MAP2: variants seen among roughly 807,000 people sequenced by gnomAD.
MAP2 encodes microtubule associated protein 2, also known as microtubule-associated protein 2.
In MAP2, 14 loss-of-function variants were observed where a neutral mutation model predicts 137.6. That is an observed-to-expected ratio of 0.10 (90% CI 0.07 to 0.16). The LOEUF (loss-of-function observed/expected upper bound fraction) is 0.16. MAP2 is among the 10% of genes least tolerant of loss of function. The probability of loss-of-function intolerance (pLI) is 1.00; values close to 1 mark genes in which losing one functional copy is unlikely to be tolerated. For synonymous variants in MAP2, 786 were observed against 782.3 expected, an observed-to-expected ratio of 1.00 and a Z score of -0.08; for missense variants, 2,088 against 2,191.5, an observed-to-expected ratio of 0.95 and a Z score of 0.94.
intron 3 of MAP2, among the ~76,000 whole-genome samples, chr2:209,587,669 A>G (rs1038980418): frequency 6.6e-6 from 1 of 152,162 alleles, no homozygotes; most frequent in Non-Finnish European, 1.5e-5. Context: ...GCTATAAAAT[A>G]TCTAAGAAAA....
intron 1 of MAP2, among the ~76,000 whole-genome samples, chr2:209,462,186 G>A (rs1213072280): frequency 6.6e-6 from 1 of 152,194 alleles, no homozygotes; most frequent in Non-Finnish European, 1.5e-5. Context: ...GAGAATAAGT[G>A]TTGTGAGAAA....
intron 11 of MAP2, among the ~76,000 whole-genome samples, chr2:209,703,162 C>T (rs200894250): frequency 7.9e-5 from 12 of 152,032 alleles, no homozygotes; most frequent in Admixed American, 2.0e-4. Context: ...CATGCAGACT[C>T]TAGTCTTTGC....
At chr2:209,626,965 C>A (rs1380400190) in intron 4 of MAP2, among the ~76,000 whole-genome samples, 1 of 151,916 alleles carries the variant, frequency 6.6e-6, no homozygotes, top group Admixed American at 6.6e-5. Context: ...TAATATCATG[C>A]CAATCCTGCT....
At chr2:209,494,589 G>A (rs1421658176) in intron 1 of MAP2, among the ~76,000 whole-genome samples, 1 of 152,034 alleles carries the variant, frequency 6.6e-6, no homozygotes, top group African/African-American at 2.4e-5. Flanking sequence ...AAAAAGGTGA[G>A]GCATGAATAA....
chr2:209,629,640 A>C (rs537571731), intron 4 of MAP2, among the ~76,000 whole-genome samples: 1 of 152,320 alleles, frequency 6.6e-6, no homozygotes, highest in Admixed American at 6.5e-5. Flanking sequence ...TTAGGATATC[A>C]GATGCTTCCA....
At chr2:209,644,750 G>A (rs934785145) in intron 4 of MAP2, among the ~76,000 whole-genome samples, 2 of 150,548 alleles carry the variant, frequency 1.3e-5, no homozygotes, top group East Asian at 1.9e-4. Context: ...TTTTTATATT[G>A]CTATCATGGT....
chr2:209,694,541 C>T lies in MAP2; in HGVS notation c.2371C>T (p.Leu791=). The change falls in exon 8 of 16, where the codon CTA becomes TTA. Residue 791 remains leucine, a synonymous_variant. Coordinates refer to ENST00000682079, the MANE Select transcript of MAP2 (RefSeq NM_001375505.1). ...QAEISCESPF[L]AKDFYKNGTV... is the part of the protein sequence containing the mutation. Reference sequence around the variant, plus strand: ...GGAGATATCATGTGAGTCTCCTTTCCTAGCCAAAGATTTTTACAAAAATGG... The same window carrying T: ...GGAGATATCATGTGAGTCTCCTTTCTTAGCCAAAGATTTTTACAAAAATGG... The T allele has an allele frequency of 6.2e-7, 1 of 1,614,062 alleles. No homozygotes were observed. The highest frequency in any genetic ancestry group is 8.5e-7 in the Non-Finnish European group (1 of 1,179,974).
chr2:209,652,343 G>C (rs569010596), intron 4 of MAP2, among the ~76,000 whole-genome samples: 16 of 152,328 alleles, frequency 1.1e-4, no homozygotes, highest in African/African-American at 2.9e-4. Flanking sequence ...AAGATAGGAT[G>C]TAGGCCTAAT....
At chr2:209,462,892 G>A (rs1364594655) in intron 1 of MAP2, among the ~76,000 whole-genome samples, 1 of 151,986 alleles carries the variant, frequency 6.6e-6, no homozygotes, top group Non-Finnish European at 1.5e-5. Context: ...TATAATAGAG[G>A]CTTTTGGGAG....
chr2:209,505,964 C>T (rs1419004664), intron 1 of MAP2, among the ~76,000 whole-genome samples: 1 of 151,578 alleles, frequency 6.6e-6, no homozygotes, highest in Non-Finnish European at 1.5e-5. Flanking sequence ...AGAGTGAGAC[C>T]CTGTCTCAAA....
intron 4 of MAP2, among the ~76,000 whole-genome samples, chr2:209,645,300 A>G (rs2094344252): frequency 6.6e-6 from 1 of 152,230 alleles, no homozygotes; most frequent in Admixed American, 6.5e-5. Flanking sequence ...ATACAGTTTT[A>G]TAACACTTAG....
At chr2:209,606,559 A>G (rs2084836125) in intron 3 of MAP2, among the ~76,000 whole-genome samples, 1 of 152,166 alleles carries the variant, frequency 6.6e-6, no homozygotes, top group African/African-American at 2.4e-5. Context: ...GGGGTTAAAA[A>G]ATAGAGTAGA....
At chr2:209,723,044 C>T (rs1301668209) in intron 13 of MAP2, among the ~76,000 whole-genome samples, 3 of 152,130 alleles carry the variant, frequency 2.0e-5, no homozygotes, top group Non-Finnish European at 2.9e-5. Flanking sequence ...CCTGGGAAAC[C>T]GGGGGTTCTT....
At chr2:209,618,153 C>T (rs1467383786) in intron 3 of MAP2, among the ~76,000 whole-genome samples, 2 of 151,804 alleles carry the variant, frequency 1.3e-5, no homozygotes, top group African/African-American at 4.8e-5. Flanking sequence ...TCATGGAGAA[C>T]ACTTCAGTTA....
chr2:209,495,547 G>T lies in MAP2; in HGVS notation c.-221-12045G>T, dbSNP rs374960316. 5.8e-4 allele frequency among the ~76,000 whole-genome samples: 89 copies of T among 152,224 alleles called. 2 individuals carry two copies. The highest frequency in any genetic ancestry group is 1.1e-3 in the Non-Finnish European group (74 of 68,038). On this transcript the variant is annotated intron_variant, in intron 1 of 15. Transcript: ENST00000682079. ...TGCTGGTGATACCCAGGCAAAGAGG[G>T]TCTGGAGTGGACCTCCAGCAAACTC...
chr2:209,519,731 A>C (rs968359647), intron 2 of MAP2, among the ~76,000 whole-genome samples: 1 of 152,092 alleles, frequency 6.6e-6, no homozygotes, highest in African/African-American at 2.4e-5. Flanking sequence ...AAAATGAAGG[A>C]AATAATTGTT....
Position 209,693,873 on chromosome 2 carries a change from G to C in MAP2, c.1703G>C (p.Gly568Ala). Residue 568 changes from glycine to alanine, a missense_variant, in exon 8 of 16, where the codon GGA (glycine) becomes GCA (alanine). By Grantham distance (60) the Gly-to-Ala change is moderately conservative. This residue lies in a region of MAP2 where 859 missense variants were observed against 794.5 expected (regional missense o/e 1.08). Coordinates refer to ENST00000682079, the MANE Select transcript of MAP2 (RefSeq NM_001375505.1). The stretch of plus-strand genomic sequence containing the variant: ...ATGCCATTTTATGAAGATAAATCAG[G>C]AATGTCCAAGTACTTTGAAACATCT... ...LDMPFYEDKS[G>A]MSKYFETSAL... 1 of 1,612,412 alleles carries C rather than the reference G, an allele frequency of 6.2e-7. No homozygotes were observed.
At chr2:209,425,133 GA>G (rs917469474) in intron 1 of MAP2, among the ~76,000 whole-genome samples, 1 of 151,738 alleles carries the variant, frequency 6.6e-6, no homozygotes, top group African/African-American at 2.4e-5. Flanking sequence ...GATGGAGTCA[GA>G]AAAAAAATCC....
At chr2:209,704,400 T>C (rs1206673183) in intron 11 of MAP2, 1 of 1,517,518 alleles carries the variant, frequency 6.6e-7, no homozygotes, top group Non-Finnish European at 8.9e-7. Flanking sequence ...TTCCTTTTAC[T>C]TTATAGTTTG....
Sources: gnomAD v4.1 joint callset for allele counts (sites outside exome capture counted in the v4.1 genomes callset) on GRCh38, gnomAD v4.1.1 for gene constraint, gnomAD v4.1.1 regional missense constraint, MANE v1.5 for transcripts, NCBI Gene and HGNC (gene_info 2026-07-23, HGNC 2026-07-21) for gene names.